Variants in BRINP3 observed in about 807,000 individuals in gnomAD.
BRINP3 encodes the protein BMP/retinoic acid inducible neural specific 3, also known as BMP/retinoic acid-inducible neural-specific protein 3.
A neutral mutation model predicts 71.0 loss-of-function variants in BRINP3; 19 were observed. The ratio of observed to expected loss-of-function variants is 0.27; its 90% CI spans 0.19 to 0.39. The LOEUF (loss-of-function observed/expected upper bound fraction) is 0.39. Among genes scored for constraint, BRINP3 ranks in the 10% least tolerant of loss-of-function variants. The probability of loss-of-function intolerance (pLI) is 1.00; values close to 1 mark genes in which losing one functional copy is unlikely to be tolerated. For synonymous variants in BRINP3, 380 were observed against 337.7 expected (o/e 1.13, Z -1.37); for missense variants, 959 against 940.8 (o/e 1.02, Z -0.25).
chr1:190,429,986 CAT>C (rs2102501492), intron 2 of BRINP3, among the ~76,000 whole-genome samples: 1 of 152,166 alleles, frequency 6.6e-6, no homozygotes, highest in South Asian at 2.1e-4. Context: ...CATAACAAAA[CAT>C]AATCTTGTTA....
chr1:190,152,916 A>T (rs1656541665), intron 7 of BRINP3, among the ~76,000 whole-genome samples: 1 of 152,158 alleles, frequency 6.6e-6, no homozygotes, highest in Non-Finnish European at 1.5e-5. Flanking sequence ...ACTAATTTCA[A>T]CTCACAACTG....
chr1:190,416,457 C>A lies in BRINP3; in HGVS notation c.236+38198G>T, dbSNP rs1484159370. 2.0e-5 allele frequency among the ~76,000 whole-genome samples: 3 copies of A among 152,044 alleles called. No individual in the cohort carries two copies. In the East Asian group the frequency reaches 5.8e-4, roughly 29 times the overall value. On this transcript the variant is annotated intron_variant, in intron 2 of 7. Coordinates refer to ENST00000367462, the MANE Select transcript of BRINP3 (RefSeq NM_199051.3). The stretch of plus-strand genomic sequence containing the variant: ...CTGCTGCCCCTAGAGGAGTTGCTAG[C>A]ACATTGTGTGTGCTCAAGAAATAAC...
chr1:190,306,976 A>G lies in BRINP3; in HGVS notation c.237-25226T>C, dbSNP rs552959403. On this transcript the variant is annotated intron_variant, in intron 2 of 7. Coordinates refer to ENST00000367462, the MANE Select transcript of BRINP3 (RefSeq NM_199051.3). Reference sequence around the variant, plus strand: ...TACAATTGACACTACTAGTTTCTCCAAAAATAAATCATTTCCATGAAACTC... The same window carrying G: ...TACAATTGACACTACTAGTTTCTCCGAAAATAAATCATTTCCATGAAACTC... Among the ~76,000 whole-genome samples the G allele has an allele frequency of 4.6e-4, 70 of 152,060 alleles. 1 individual carries two copies. In the South Asian group the frequency reaches 0.014, roughly 31 times the overall value.
At chr1:190,209,068 GA>G (rs1193954248) in intron 6 of BRINP3, among the ~76,000 whole-genome samples, 1 of 151,952 alleles carries the variant, frequency 6.6e-6, no homozygotes, top group South Asian at 2.1e-4. Flanking sequence ...TATTTACTAT[GA>G]TTTTTTTGTA....
At chr1:190,249,028 C>A (rs1659873593) in intron 4 of BRINP3, among the ~76,000 whole-genome samples, 1 of 151,694 alleles carries the variant, frequency 6.6e-6, no homozygotes, top group Non-Finnish European at 1.5e-5. Context: ...TTGTGGGATG[C>A]CTCAGAGTAT....
Position 190,148,191 on chromosome 1 carries a change from CTCTT to C in BRINP3, c.1184+12473_1184+12476del, listed in dbSNP as rs778064662. Among the ~76,000 whole-genome samples the C allele has an allele frequency of 9.2e-5, 14 of 152,206 alleles. No individual in the cohort carries two copies. In the East Asian group the frequency reaches 2.3e-3, roughly 25 times the overall value. ...TCCAATTTCAAGAAAAGCTCTCTCT[CTCTT>C]TCTCATTGCCTCTTCTCAATGAAAT... is the stretch of plus-strand genomic sequence containing the variant. On this transcript the variant is annotated intron_variant, in intron 7 of 7. Coordinates refer to ENST00000367462, the MANE Select transcript of BRINP3 (RefSeq NM_199051.3).
intron 6 of BRINP3, among the ~76,000 whole-genome samples, chr1:190,167,405 T>C (rs1237546939): frequency 1.3e-5 from 2 of 152,026 alleles, no homozygotes; most frequent in Non-Finnish European, 2.9e-5. Context: ...AGAAATGGCA[T>C]TTGGACCTAT....
chr1:190,471,022 T>A (rs1399594959), intron 1 of BRINP3, among the ~76,000 whole-genome samples: 1 of 151,196 alleles, frequency 6.6e-6, no homozygotes, highest in Non-Finnish European at 1.5e-5. Context: ...AAAGTAAGCT[T>A]ATAAAGTAAT....
intron 2 of BRINP3, among the ~76,000 whole-genome samples, chr1:190,432,734 C>A (rs1433628108): frequency 6.6e-6 from 1 of 152,080 alleles, no homozygotes; most frequent in Non-Finnish European, 1.5e-5. Context: ...CTAATTTAAT[C>A]CATCTGTGGA....
At chr1:190,167,251 A>C (rs912440413) in intron 6 of BRINP3, among the ~76,000 whole-genome samples, 3 of 152,138 alleles carry the variant, frequency 2.0e-5, no homozygotes, top group Admixed American at 2.0e-4. Flanking sequence ...GGTTTGGTAA[A>C]AGCTTCCAAA....
rs545388848 is a variant in BRINP3 at position 190,422,146 on chromosome 1, G to A, written c.236+32509C>T. Among the ~76,000 whole-genome samples, 19 of 151,718 alleles carry A rather than the reference G, an allele frequency of 1.3e-4. No individual in the cohort carries two copies. In the South Asian group the frequency reaches 3.9e-3, roughly 31 times the overall value. On this transcript the variant is annotated intron_variant, in intron 2 of 7. Coordinates refer to ENST00000367462, the MANE Select transcript of BRINP3 (RefSeq NM_199051.3). Reference sequence around the variant, plus strand: ...ATCTCAGCCTTCTAATCTATATAGTGCAAATCATAGTGGTACTTAACTCGT... The same window carrying A: ...ATCTCAGCCTTCTAATCTATATAGTACAAATCATAGTGGTACTTAACTCGT...
intron 7 of BRINP3, among the ~76,000 whole-genome samples, chr1:190,120,057 C>A (rs1235812168): frequency 6.6e-6 from 1 of 152,184 alleles, no homozygotes; most frequent in Non-Finnish European, 1.5e-5. Context: ...ATTGTTTTTA[C>A]TTTTTAATTT....
At chr1:190,404,357 T>C (rs1301520211) in intron 2 of BRINP3, among the ~76,000 whole-genome samples, 2 of 152,140 alleles carry the variant, frequency 1.3e-5, no homozygotes, top group African/African-American at 2.4e-5. Flanking sequence ...ATATACTTTA[T>C]ATAATAATTT....
intron 6 of BRINP3, among the ~76,000 whole-genome samples, chr1:190,165,268 T>C (rs1226368712): frequency 6.6e-6 from 1 of 152,040 alleles, no homozygotes; most frequent in Non-Finnish European, 1.5e-5. Context: ...TCTACTTATG[T>C]TTGTGAACAT....
At chr1:190,253,940 T>C (rs1418248783) in intron 4 of BRINP3, among the ~76,000 whole-genome samples, 1 of 152,208 alleles carries the variant, frequency 6.6e-6, no homozygotes, top group African/African-American at 2.4e-5. Flanking sequence ...AATTAATTTT[T>C]GTATAAGGTG....
At chr1:190,196,953 C>T (rs143828522) in intron 6 of BRINP3, among the ~76,000 whole-genome samples, 67 of 149,546 alleles carry the variant, frequency 4.5e-4, no homozygotes, top group African/African-American at 1.6e-3. Context: ...TAATAAAATA[C>T]ATAATAAATT....
chr1:190,125,698 T>G (rs1292934426), intron 7 of BRINP3, among the ~76,000 whole-genome samples: 2 of 152,014 alleles, frequency 1.3e-5, no homozygotes, highest in Non-Finnish European at 2.9e-5. Context: ...TTCCTTTGCA[T>G]AGCAATAAAC....
At chr1:190,099,388 T>C (rs1367821933) in intron 7 of BRINP3, among the ~76,000 whole-genome samples, 6 of 152,132 alleles carry the variant, frequency 3.9e-5, no homozygotes, top group Admixed American at 3.9e-4. Context: ...CTATACTTGG[T>C]CTGAACTGCA....
intron 7 of BRINP3, among the ~76,000 whole-genome samples, chr1:190,137,427 G>A (rs191249787): frequency 1.3e-5 from 2 of 148,342 alleles, no homozygotes; most frequent in East Asian, 3.9e-4. Flanking sequence ...TCTAGACTTG[G>A]AACCAAAGTT....
Sources: gnomAD v4.1 joint callset for allele counts (sites outside exome capture counted in the v4.1 genomes callset) on GRCh38, gnomAD v4.1.1 for gene constraint, MANE v1.5 for transcripts, NCBI Gene and HGNC (gene_info 2026-07-23, HGNC 2026-07-21) for gene names.